The following THSD7B variants were observed in gnomAD, a reference collection of about 807,000 sequenced individuals.
The protein encoded by THSD7B is thrombospondin type-1 domain-containing protein 7B.
Under a neutral mutation model 213.6 loss-of-function variants are expected in THSD7B, and 138 were observed. The observed-to-expected ratio is 0.65, with a 90% confidence interval of 0.56 to 0.74. The LOEUF (loss-of-function observed/expected upper bound fraction) is 0.74. Among genes scored for constraint, THSD7B ranks in the 30% least tolerant of loss-of-function variants. THSD7B has a pLI of 0.00. For missense variants in THSD7B, 1,931 were observed against 1,991.5 expected, an observed-to-expected ratio of 0.97 and a Z score of 0.58; for synonymous variants, 742 against 687.0, an observed-to-expected ratio of 1.08 and a Z score of -1.25.
intron 12 of THSD7B, among the ~76,000 whole-genome samples, chr2:137,309,436 T>C (rs1378152135): frequency 6.6e-6 from 1 of 151,662 alleles, no homozygotes; most frequent in Non-Finnish European, 1.5e-5. Flanking sequence ...TTAAACTTCC[T>C]TATGAACTTA....
chr2:137,517,692 T>G (rs1329826131), intron 15 of THSD7B, among the ~76,000 whole-genome samples: 1 of 152,200 alleles, frequency 6.6e-6, no homozygotes, highest in Non-Finnish European at 1.5e-5. Context: ...CAAGCTTCTC[T>G]GCCACTTGGG....
At chr2:136,990,263 T>C (rs1286548370) in intron 2 of THSD7B, among the ~76,000 whole-genome samples, 1 of 152,248 alleles carries the variant, frequency 6.6e-6, no homozygotes, top group Non-Finnish European at 1.5e-5. Flanking sequence ...TCATACATTA[T>C]ACTCATTTTT....
At chr2:137,146,696 A>G (rs1453002294) in intron 5 of THSD7B, among the ~76,000 whole-genome samples, 2 of 152,174 alleles carry the variant, frequency 1.3e-5, no homozygotes, top group Non-Finnish European at 2.9e-5. Context: ...CTTATTATAC[A>G]TAAAGCACAA....
intron 15 of THSD7B, among the ~76,000 whole-genome samples, chr2:137,454,432 A>G (rs55731926): frequency 0.52 from 58,717 of 113,828 alleles, 12,981 homozygotes; most frequent in Admixed American, 0.55. Flanking sequence ...CTGTCTATCT[A>G]TCTATCTATC....
At chr2:137,565,255 T>C (rs966033137) in intron 16 of THSD7B, among the ~76,000 whole-genome samples, 9 of 152,194 alleles carry the variant, frequency 5.9e-5, no homozygotes, top group African/African-American at 2.2e-4. Context: ...TTTATTTTGC[T>C]ATGACAGAAT....
chr2:137,463,769 T>A (rs1388397614), intron 15 of THSD7B, among the ~76,000 whole-genome samples: 3 of 152,000 alleles, frequency 2.0e-5, no homozygotes, highest in Admixed American at 2.0e-4. Context: ...GTGAGGTGAG[T>A]GCATAAACAA....
At chr2:137,643,701 A>G (rs1322556788) in intron 21 of THSD7B, among the ~76,000 whole-genome samples, 1 of 152,194 alleles carries the variant, frequency 6.6e-6, no homozygotes, top group Non-Finnish European at 1.5e-5. Context: ...GCTTTGACAG[A>G]ATAGAGAAAA....
intron 17 of THSD7B, among the ~76,000 whole-genome samples, chr2:137,592,001 T>C (rs1681874744): frequency 6.6e-6 from 1 of 151,892 alleles, no homozygotes; most frequent in South Asian, 2.1e-4. Flanking sequence ...TGGCTTTTCA[T>C]AGGAGTATTT....
intron 17 of THSD7B, among the ~76,000 whole-genome samples, chr2:137,606,659 A>G (rs1682185442): frequency 6.6e-6 from 1 of 152,114 alleles, no homozygotes; most frequent in African/African-American, 2.4e-5. Context: ...CATTCCAGAT[A>G]TTATTCTGGG....
chr2:137,099,183 T>C (rs1439776151), intron 4 of THSD7B, among the ~76,000 whole-genome samples: 1 of 152,080 alleles, frequency 6.6e-6, no homozygotes, highest in African/African-American at 2.4e-5. Context: ...GGTGTGGTTG[T>C]CCCCTGTCAC....
intron 12 of THSD7B, among the ~76,000 whole-genome samples, chr2:137,312,504 C>T (rs1683943801): frequency 1.3e-5 from 2 of 150,860 alleles, no homozygotes; most frequent in African/African-American, 2.5e-5. Flanking sequence ...GTCTCTATTT[C>T]CTTCAGTTCT....
intron 17 of THSD7B, among the ~76,000 whole-genome samples, chr2:137,588,290 G>T (rs1348908458): frequency 6.6e-6 from 1 of 152,132 alleles, no homozygotes; most frequent in Non-Finnish European, 1.5e-5. Flanking sequence ...CCCAGGTGAG[G>T]TGATGCCTTA....
intron 1 of THSD7B, among the ~76,000 whole-genome samples, chr2:136,858,400 T>A (rs1051545658): frequency 6.6e-6 from 1 of 152,228 alleles, no homozygotes; most frequent in African/African-American, 2.4e-5. Context: ...TAAGTTGTTA[T>A]TGCCATTGTC....
intron 3 of THSD7B, among the ~76,000 whole-genome samples, chr2:137,079,132 A>T (rs1687691208): frequency 6.6e-6 from 1 of 152,182 alleles, no homozygotes; most frequent in African/African-American, 2.4e-5. Context: ...CAGCCTGGGC[A>T]ACATAGTGAG....
chr2:137,300,373 CT>C (rs1355813743), intron 12 of THSD7B, among the ~76,000 whole-genome samples: 1 of 151,994 alleles, frequency 6.6e-6, no homozygotes, highest in Non-Finnish European at 1.5e-5. Flanking sequence ...GCTTTCCTTC[CT>C]TCTTGTCTTC....
intron 2 of THSD7B, among the ~76,000 whole-genome samples, chr2:136,975,060 T>G (rs1685459453): frequency 8.1e-6 from 1 of 124,082 alleles, no homozygotes; most frequent in Non-Finnish European, 1.7e-5. Flanking sequence ...TTTTTTTTTG[T>G]AAATTCTTTT....
At chr2:136,796,003 C>A (rs1287001868) in intron 1 of THSD7B, among the ~76,000 whole-genome samples, 3 of 151,906 alleles carry the variant, frequency 2.0e-5, no homozygotes, top group African/African-American at 7.2e-5. Flanking sequence ...TACATACACA[C>A]ATAATCATAT....
chr2:137,167,889 T>TGTGGC (rs1296333305), intron 6 of THSD7B, among the ~76,000 whole-genome samples: 1 of 152,186 alleles, frequency 6.6e-6, no homozygotes, highest in Non-Finnish European at 1.5e-5. Flanking sequence ...CTTTATAAAG[T>TGTGGC]GTGGCGAAAA....
Position 137,563,237 on chromosome 2 carries a change from C to G in THSD7B, c.3155C>G (p.Pro1052Arg). Residue 1052 changes from proline to arginine, a missense_variant, in exon 16 of 28, where the codon CCA becomes CGA. Coordinates refer to ENST00000409968, the MANE Select transcript of THSD7B (RefSeq NM_001316349.2). ...TCTTGACAGGTACATGAGGCAGTCC[C>G]ATGTTACAGTGAGTGCAATCAGTAT... ...DLKNQVHEAV[P>R]CYSECNQYSW... 6.2e-7 allele frequency: 1 copy of G among 1,613,254 alleles called. No homozygotes were observed. The highest frequency in any genetic ancestry group is 8.5e-7 in the Non-Finnish European group (1 of 1,179,500).
Sources: allele counts gnomAD v4.1 joint callset (sites outside exome capture counted in the v4.1 genomes callset), GRCh38; gene constraint gnomAD v4.1.1; transcripts MANE v1.5; gene names NCBI Gene and HGNC (gene_info 2026-07-23, HGNC 2026-07-21).